Variants in CAMK1G observed in about 807,000 individuals in gnomAD.
The protein encoded by CAMK1G is calcium/calmodulin dependent protein kinase IG.
In CAMK1G, 27 loss-of-function variants were observed where a neutral mutation model predicts 54.8. The observed-to-expected ratio is 0.49, with a 90% confidence interval of 0.36 to 0.68. CAMK1G has a LOEUF of 0.68. CAMK1G is among the 30% of genes least tolerant of loss of function. The pLI, the probability that CAMK1G is intolerant of heterozygous loss-of-function variation, is 0.00. For synonymous variants in CAMK1G, 238 were observed against 224.9 expected (o/e 1.06, Z -0.52); for missense variants, 512 against 591.0 (o/e 0.87, Z 1.39).
chr1:209,610,049 A>G, intron 9 of CAMK1G, 120 bp downstream of exon 9: 1 of 807,722 alleles, frequency 1.2e-6, no homozygotes, highest in Admixed American at 2.0e-5. Context: ...TGATGTGACA[A>G]GCAAGGACCA....
chr1:209,585,904 T>G (rs561200073), intron 1 of CAMK1G, among the ~76,000 whole-genome samples: 27 of 152,330 alleles, frequency 1.8e-4, no homozygotes, highest in African/African-American at 6.5e-4. Flanking sequence ...GCGCTACAAC[T>G]GCAGGCGCGC....
intron 1 of CAMK1G, among the ~76,000 whole-genome samples, chr1:209,591,872 C>G (rs923953532): frequency 6.6e-6 from 1 of 152,148 alleles, no homozygotes; most frequent in Admixed American, 6.5e-5. Context: ...CTGAAAAGCC[C>G]TGGTCATCAC....
chr1:209,592,364 A>AAAAACCC (rs1553272847), intron 1 of CAMK1G, among the ~76,000 whole-genome samples: 1 of 143,774 alleles, frequency 7.0e-6, no homozygotes, highest in Non-Finnish European at 1.5e-5. Flanking sequence ...AAAAAAAAAA[A>AAAAACCC]CTCCAGTACT....
In CAMK1G at chr1:209,603,274, C is replaced by T. The variant is rs1665571245; in HGVS notation, c.282C>T (p.Tyr94=). The part of the protein sequence containing the change: ...EDIYESTTHY[Y]LVMQLVSGGE... ...TCTATGAGAGCACCACCCACTACTA[C>T]CTGGTCATGCAGCTGTAAGTAAAAG... Residue 94 remains tyrosine (Y), a synonymous_variant, in exon 4 of 13, where the codon TAC becomes TAT. Transcript: ENST00000361322. The T allele has an allele frequency of 1.2e-6, 2 of 1,613,906 alleles. No individual in the cohort carries two copies. The highest frequency in any genetic ancestry group is 2.2e-5 in the East Asian group (1 of 44,886).
At chr1:209,603,639 G>A (rs567524773) in intron 4 of CAMK1G, among the ~76,000 whole-genome samples, 51 of 152,182 alleles carry the variant, frequency 3.4e-4, no homozygotes, top group Middle Eastern at 3.4e-3. Context: ...CCAAACGACC[G>A]AAGGGGTAAT....
Position 209,612,654 on chromosome 1 carries a change from G to A in CAMK1G, c.1341-131G>A, listed in dbSNP as rs555802388. The A allele has an allele frequency of 1.3e-4, 93 of 696,170 alleles. No homozygotes were observed. In the South Asian group the frequency reaches 1.6e-3, roughly 12 times the overall value. The allele number at this position is 696,170 out of a possible 1,614,324, so 43.1% of individuals were successfully genotyped here. On this transcript the variant is annotated intron_variant, in intron 11 of 12. Transcript: ENST00000361322. ...ATCTTTATCTTTTCTGCAGGTTCTT[G>A]AACTTTCTGAACCTCATGAGGGGAG...
chr1:209,602,764 T>C (rs1018145191), intron 3 of CAMK1G, among the ~76,000 whole-genome samples: 2 of 152,266 alleles, frequency 1.3e-5, no homozygotes, highest in African/African-American at 4.8e-5. Context: ...TCATTATGTA[T>C]ATGCAAATAT....
intron 8 of CAMK1G, 104 bp downstream of exon 8, chr1:209,609,196 G>A: frequency 7.1e-7 from 1 of 1,402,304 alleles, no homozygotes; most frequent in South Asian, 1.3e-5. Context: ...CAAAGTCCCT[G>A]GGGATCTTAC....
intron 2 of CAMK1G, among the ~76,000 whole-genome samples, chr1:209,599,748 T>G (rs530370589): frequency 3.3e-5 from 5 of 152,328 alleles, no homozygotes; most frequent in African/African-American, 1.2e-4. Context: ...TTCACTTGGG[T>G]GTTATCTCTC....
chr1:209,592,720 A>G lies in CAMK1G; in HGVS notation c.-29-2235A>G, dbSNP rs545251396. On this transcript the variant is annotated intron_variant, in intron 1 of 12. Transcript: ENST00000361322. ...GGAAAACTACACCATCTGTCTCCCC[A>G]TCCCCTTTCCAGGATCTACTTGGAC... Among the ~76,000 whole-genome samples the G allele has an allele frequency of 6.6e-4, 101 of 152,246 alleles. 1 individual carries two copies. Among genetic ancestry groups the G allele is most frequent in the African/African-American group, 2.3e-3 (97 of 41,554 alleles).
At chr1:209,600,190 G>A (rs1665492749) in intron 3 of CAMK1G, 79 bp downstream of exon 3, 2 of 1,533,624 alleles carry the variant, frequency 1.3e-6, no homozygotes, top group African/African-American at 2.8e-5. Flanking sequence ...AAAGGACTAG[G>A]ACTGGATTTC....
At chr1:209,600,250 T>A in intron 3 of CAMK1G, 139 bp downstream of exon 3, 2 of 1,030,986 alleles carry the variant, frequency 1.9e-6, no homozygotes, top group Non-Finnish European at 2.8e-6. Context: ...GTCAGTTCAG[T>A]CAATTAGCTA....
intron 1 of CAMK1G, among the ~76,000 whole-genome samples, chr1:209,594,709 T>G (rs1015910999): frequency 2.0e-5 from 3 of 152,240 alleles, no homozygotes; most frequent in Non-Finnish European, 4.4e-5. Flanking sequence ...TACTTACTAT[T>G]GCCCTGATGT....
At chr1:209,607,440 T>A (rs1438996973) in intron 6 of CAMK1G, among the ~76,000 whole-genome samples, 1 of 152,086 alleles carries the variant, frequency 6.6e-6, no homozygotes, top group African/African-American at 2.4e-5. Context: ...TCCCAGAGGC[T>A]CCCAGTCTAG....
At position 209,612,005 on chromosome 1, in the gene CAMK1G, C is replaced by A; in HGVS notation, c.1129C>A (p.His377Asn). The A allele has an allele frequency of 1.2e-6, 2 of 1,614,284 alleles. No homozygotes were observed. Among genetic ancestry groups the A allele is most frequent in the Non-Finnish European group, 1.7e-6 (2 of 1,180,054 alleles). Residue 377 changes from histidine (H) to asparagine (N), a missense_variant, in exon 11 of 13, where the codon CAT (histidine) becomes AAT (asparagine). Physicochemically the swap from His to Asn is moderately conservative, Grantham distance 68. Coordinates refer to ENST00000361322, the MANE Select transcript of CAMK1G (RefSeq NM_020439.3). Reference protein sequence around the residue: ...LPALTQLPCQHGRRPTAPGGR... With the variant: ...LPALTQLPCQNGRRPTAPGGR... ...TGCCCTGACCCAATTACCCTGCCAG[C>A]ATGGCCGCCGGCCCACTGCCCCTGG...
At chr1:209,593,773 C>G (rs1665314551) in intron 1 of CAMK1G, among the ~76,000 whole-genome samples, 1 of 152,240 alleles carries the variant, frequency 6.6e-6, no homozygotes, top group Admixed American at 6.5e-5. Context: ...TCTCCCTTCA[C>G]AGATCAGCCA....
intron 1 of CAMK1G, among the ~76,000 whole-genome samples, chr1:209,584,466 G>T (rs1488254690): frequency 2.0e-5 from 3 of 152,072 alleles, no homozygotes; most frequent in Non-Finnish European, 4.4e-5. Context: ...CCAGGGGCGC[G>T]TCTACCTCCC....
chr1:209,586,481 C>T (rs928405388), intron 1 of CAMK1G, among the ~76,000 whole-genome samples: 7 of 152,204 alleles, frequency 4.6e-5, no homozygotes, highest in South Asian at 4.1e-4. Context: ...ATGAGATGCT[C>T]ACACTGTGAA....
At chr1:209,598,198 T>C (rs1665434970) in intron 2 of CAMK1G, among the ~76,000 whole-genome samples, 1 of 152,210 alleles carries the variant, frequency 6.6e-6, no homozygotes, top group African/African-American at 2.4e-5. Context: ...TCCTGCCCTG[T>C]ATTCCCATTG....
Sources: gnomAD v4.1 joint callset for allele counts (sites outside exome capture counted in the v4.1 genomes callset) on GRCh38, gnomAD v4.1.1 for gene constraint, MANE v1.5 for transcripts, NCBI Gene and HGNC (gene_info 2026-07-23, HGNC 2026-07-21) for gene names.